Variants in EFCAB13 observed in about 807,000 individuals in gnomAD.
EFCAB13 encodes EF-hand calcium binding domain 13.
EFCAB13 carries 91 observed loss-of-function variants against 110.2 expected under a neutral mutation model. The observed-to-expected ratio is 0.83, with a 90% CI of 0.70 to 0.98. EFCAB13 has a LOEUF of 0.98. Ranked by LOEUF, EFCAB13 falls within the 50% of genes least tolerant of loss-of-function variation. The pLI is 0.00. For synonymous variants in EFCAB13, 323 were observed against 369.9 expected, an observed-to-expected ratio of 0.87 and a Z score of 1.45; for missense variants, 968 against 1,119.4, an observed-to-expected ratio of 0.86 and a Z score of 1.93.
intron 11 of EFCAB13, among the ~76,000 whole-genome samples, chr17:47,371,063 T>G (rs1039041682): frequency 3.6e-5 from 2 of 55,266 alleles, no homozygotes; most frequent in African/African-American, 4.9e-5. Context: ...TTAATGGTTG[T>G]TTTTTTTTTT....
chr17:47,344,124 C>A, intron 6 of EFCAB13, 38 bp from the exon 7 acceptor site: 2 of 1,592,390 alleles, frequency 1.3e-6, no homozygotes, highest in African/African-American at 1.3e-5. Context: ...ACCAGTGTCA[C>A]TCACCTCAGG....
At chr17:47,421,087 G>A (rs1443857656) in intron 23 of EFCAB13, among the ~76,000 whole-genome samples, 12 of 151,526 alleles carry the variant, frequency 7.9e-5, no homozygotes, top group Non-Finnish European at 1.5e-4. Flanking sequence ...CTGCCCGGCC[G>A]CGCCTACTGG....
chr17:47,356,806 T>G (rs2065483037), intron 9 of EFCAB13, among the ~76,000 whole-genome samples: 1 of 152,158 alleles, frequency 6.6e-6, no homozygotes, highest in African/African-American at 2.4e-5. Context: ...AGAGATTATG[T>G]TCTTTGTCTT....
rs1247968231 is a variant in EFCAB13 at position 47,419,339 on chromosome 17, T to G, written c.2494+4420T>G. Among the ~76,000 whole-genome samples, 4 of 152,116 alleles carry G rather than the reference T, an allele frequency of 2.6e-5. 1 individual carries two copies. The highest frequency in any genetic ancestry group is 5.9e-5 in the Non-Finnish European group (4 of 68,024). The stretch of plus-strand genomic sequence containing the variant: ...GTGGTGGCTTATGTCTATAAGCACT[T>G]TGGGAGGACATTGGGGGAGGATCGT... On this transcript the variant is annotated intron_variant, in intron 23 of 24. Coordinates refer to ENST00000331493, the MANE Select transcript of EFCAB13 (RefSeq NM_152347.5).
At position 47,347,952 on chromosome 17, in the gene EFCAB13, G is replaced by GT. The variant is rs781649279; in HGVS notation, c.661+2dup. ...GCACTAAAGACTGTTGATATTGATGGTAAGTTTTATCTTTTCAGTATTAGT... is the reference window on the plus strand; with the variant it reads ...GCACTAAAGACTGTTGATATTGATGGTTAAGTTTTATCTTTTCAGTATTAGT... On this transcript the variant is annotated splice_donor_variant, in intron 9 of 24. Coordinates refer to ENST00000331493, the MANE Select transcript of EFCAB13 (RefSeq NM_152347.5). LOFTEE classifies it high-confidence loss of function. 3.4e-6 allele frequency: 5 copies of GT among 1,452,072 alleles called. No homozygotes were observed. In the South Asian group the frequency reaches 8.4e-5, roughly 24 times the overall value. 89.9% of individuals were successfully genotyped at this position (1,452,072 alleles called of 1,614,324 possible).
chr17:47,391,445 G>A lies in EFCAB13; in HGVS notation c.1591G>A (p.Gly531Ser), dbSNP rs2065706989. The A allele has an allele frequency of 1.3e-6, 2 of 1,563,064 alleles. No homozygotes were observed. The highest frequency in any genetic ancestry group is 1.7e-6 in the Non-Finnish European group (2 of 1,159,978). Residue 531 changes from glycine (G) to serine (S), a missense_variant, in exon 15 of 25, where the codon GGT becomes AGT. Physicochemically the swap from Gly to Ser is moderately conservative, Grantham distance 56. Coordinates refer to ENST00000331493, the MANE Select transcript of EFCAB13 (RefSeq NM_152347.5). The part of the protein sequence containing the change: ...RSFPECNALP[G>S]VIKAIDKIKD... ...TACTCCTTTATTTTTAGCGTTGCCT[G>A]GTGTCATTAAAGCCATTGATAAAAT...
chr17:47,341,993 A>G lies in EFCAB13; in HGVS notation c.264A>G (p.Arg88=). ...TTTCAGGAGAAAAAAAAGTTGGGAG[A>G]AAGAGTTTACAAGTACAACAGCACA... ...SDFSGEKKVG[R]KSLQVQQHSK... is the part of the protein sequence containing the mutation. Residue 88 remains arginine (R), a synonymous_variant, in exon 6 of 25, where the codon AGA becomes AGG. Transcript: ENST00000331493. The G allele has an allele frequency of 6.2e-7, 1 of 1,603,366 alleles. No individual in the cohort carries two copies.
intron 21 of EFCAB13, among the ~76,000 whole-genome samples, chr17:47,410,853 T>C (rs1345453468): frequency 6.6e-6 from 1 of 152,258 alleles, no homozygotes; most frequent in Non-Finnish European, 1.5e-5. Context: ...CTATCATCAG[T>C]GGCTAGTATA....
chr17:47,424,896 T>TTTTTTTTTTTTTTTTTTTG (rs1567807243), intron 23 of EFCAB13, among the ~76,000 whole-genome samples: 31 of 84,498 alleles, frequency 3.7e-4, no homozygotes, highest in African/African-American at 1.8e-3. Flanking sequence ...TTTTTTTTTT[T>TTTTTTTTTTTTTTTTTTTG]TTTTGAGACG....
intron 24 of EFCAB13, among the ~76,000 whole-genome samples, chr17:47,434,760 G>A (rs975558920): frequency 1.3e-5 from 2 of 151,940 alleles, no homozygotes; most frequent in South Asian, 2.1e-4. Context: ...ACTGATCTTC[G>A]ACAAAACAAA....
At chr17:47,394,125 C>G in intron 16 of EFCAB13, 26 bp downstream of exon 16, 1 of 1,417,694 alleles carries the variant, frequency 7.1e-7, no homozygotes, top group African/African-American at 1.5e-5. Context: ...ATGTCTTCTG[C>G]TTTTTGTGGA....
At chr17:47,399,642 GAAAA>G (rs996111055) in intron 17 of EFCAB13, among the ~76,000 whole-genome samples, 1 of 150,940 alleles carries the variant, frequency 6.6e-6, no homozygotes, top group Non-Finnish European at 1.5e-5. Context: ...ATGTTAAAAA[GAAAA>G]AAAACCCTGA....
chr17:47,328,186 A>G, intron 3 of EFCAB13, 83 bp from the exon 4 acceptor site: 1 of 692,846 alleles, frequency 1.4e-6, no homozygotes, highest in South Asian at 1.8e-5. Flanking sequence ...TGTTACATTG[A>G]AGAGATAACT....
chr17:47,409,479 A>G (rs1009699299), intron 20 of EFCAB13, 168 bp from the exon 21 acceptor site: 24 of 605,144 alleles, frequency 4.0e-5, no homozygotes, highest in Non-Finnish European at 7.0e-5. Context: ...TGAGGAGAGA[A>G]TGGATATTTT....
rs1555578790 is a variant in EFCAB13 at position 47,351,317 on chromosome 17, G to GCGCGCGCGCA, written c.661+3375_661+3376insACGCGCGCGC. Among the ~76,000 whole-genome samples, 262 of 113,962 alleles carry GCGCGCGCGCA rather than the reference G, an allele frequency of 2.3e-3. 2 individuals carry two copies. The highest frequency in any genetic ancestry group is 3.0e-3 in the Non-Finnish European group (154 of 51,928). The allele number at this position is 113,962 out of a possible 152,430, so 74.8% of individuals were successfully genotyped here. The stretch of plus-strand genomic sequence containing the variant: ...TGTGTGTGTGTGTGCGCGCGCGCGC[G>GCGCGCGCGCA]CGCGCGCGCGCCACGTTTTCTTTAT... On this transcript the variant is annotated intron_variant, in intron 9 of 24. Transcript: ENST00000331493.
intron 4 of EFCAB13, among the ~76,000 whole-genome samples, chr17:47,331,111 T>C (rs2065317468): frequency 6.6e-6 from 1 of 152,154 alleles, no homozygotes; most frequent in African/African-American, 2.4e-5. Context: ...CACTTTTTAA[T>C]GGGAGTACTT....
Position 47,328,191 on chromosome 17 carries a change from A to G in EFCAB13, c.-85-78A>G, listed in dbSNP as rs116517725. The G allele has an allele frequency of 6.0e-4, 425 of 706,628 alleles. 2 individuals carry two copies. In the African/African-American group the frequency reaches 7.0e-3, roughly 12 times the overall value. The allele number at this position is 706,628 out of a possible 1,614,324, so 43.8% of individuals were successfully genotyped here. ...CCCAAGTCAGTGTTACATTGAAGAG[A>G]TAACTTCAGGTAGGTAAATATAATT... On this transcript the variant is annotated intron_variant, in intron 3 of 24. Coordinates refer to ENST00000331493, the MANE Select transcript of EFCAB13 (RefSeq NM_152347.5).
rs948978950 is a variant in EFCAB13 at position 47,431,195 on chromosome 17, G to A, written c.2638+1234G>A. Among the ~76,000 whole-genome samples, 1 of 151,928 alleles carries A rather than the reference G, an allele frequency of 6.6e-6. No individual in the cohort carries two copies. Among genetic ancestry groups the A allele is most frequent in the Non-Finnish European group, 1.5e-5 (1 of 67,950 alleles). On this transcript the variant is annotated intron_variant, in intron 24 of 24. Coordinates refer to ENST00000331493, the MANE Select transcript of EFCAB13 (RefSeq NM_152347.5). The surrounding 1 kb of genome is among the most constrained non-coding windows in gnomAD (Gnocchi z 4.1). ...CACTGTATTGTGCTACTGAACACCA[G>A]ATCTTATTCCTTCTAACTGTATTTT...
intron 20 of EFCAB13, among the ~76,000 whole-genome samples, chr17:47,408,951 CT>C (rs2065819669): frequency 6.6e-6 from 1 of 152,062 alleles, no homozygotes; most frequent in East Asian, 1.9e-4. Context: ...TTTGAAAGTA[CT>C]TTTTATAGGT....
Sources: allele counts gnomAD v4.1 joint callset (sites outside exome capture counted in the v4.1 genomes callset), GRCh38; gene constraint gnomAD v4.1.1; non-coding constraint Gnocchi (gnomAD v3.1); transcripts MANE v1.5; gene names NCBI Gene and HGNC (gene_info 2026-07-23, HGNC 2026-07-21).